The following SORCS2 variants were observed in gnomAD, a reference collection of about 807,000 sequenced individuals.
SORCS2 encodes the protein VPS10 domain-containing receptor SorCS2.
A neutral mutation model predicts 141.6 loss-of-function variants in SORCS2; 100 were observed. That is an observed-to-expected ratio of 0.71 (90% CI 0.60 to 0.83). The LOEUF is 0.83. SORCS2 is among the 40% of genes least tolerant of loss of function. SORCS2 has a pLI of 0.00. For missense variants in SORCS2, 1,646 were observed against 1,560.2 expected (o/e 1.05, Z -0.93); for synonymous variants, 789 against 676.9 (o/e 1.17, Z -2.57).
intron 18 of SORCS2, among the ~76,000 whole-genome samples, chr4:7,718,977 A>C (rs1577113660): frequency 6.6e-6 from 1 of 152,226 alleles, no homozygotes; most frequent in East Asian, 1.9e-4. Context: ...ACCTAGAAAA[A>C]CTTACAAGCA....
Position 7,384,394 on chromosome 4 carries a change from G to C in SORCS2, c.481-11894G>C, listed in dbSNP as rs112471578. Among the ~76,000 whole-genome samples, 273 of 152,270 alleles carry C rather than the reference G, an allele frequency of 1.8e-3. 1 individual carries two copies. Among genetic ancestry groups the C allele is most frequent in the African/African-American group, 6.4e-3 (265 of 41,550 alleles). On this transcript the variant is annotated intron_variant, in intron 1 of 26. Coordinates refer to ENST00000507866, the MANE Select transcript of SORCS2 (RefSeq NM_020777.3). ...GGTGACGAGAAGTGGCAGGTTTTCTGGTCCAGGCATCTTGGGTGAGGCATC... is the reference window on the plus strand; with the variant it reads ...GGTGACGAGAAGTGGCAGGTTTTCTCGTCCAGGCATCTTGGGTGAGGCATC...
At chr4:7,442,800 G>T (rs1175208116) in intron 2 of SORCS2, among the ~76,000 whole-genome samples, 3 of 151,640 alleles carry the variant, frequency 2.0e-5, no homozygotes, top group African/African-American at 7.3e-5. Context: ...GGTTCCTCAG[G>T]CTGACAAAAC....
rs1577667062 is a variant in SORCS2, at chr4:7,502,772, C to T, written c.549-28758C>T. Among the ~76,000 whole-genome samples, 2 of 143,198 alleles carry T rather than the reference C, an allele frequency of 1.4e-5. 1 individual carries two copies. Among genetic ancestry groups the T allele is most frequent in the South Asian group, 5.5e-4 (2 of 3,632 alleles). The allele number at this position is 143,198 out of a possible 152,430, so 93.9% of individuals were successfully genotyped here. On this transcript the variant is annotated intron_variant, in intron 2 of 26. Transcript: ENST00000507866. ...CCAACATGACCTCTGTGCTCAGAGA[C>T]CACTGTGCGGGGAGCAGGGAAGCCG...
In SORCS2 at chr4:7,704,350, C is replaced by T. The variant is rs991175046; in HGVS notation, c.1868+66C>T. 3.6e-6 allele frequency: 5 copies of T among 1,377,628 alleles called. No homozygotes were observed. In the South Asian group the frequency reaches 4.0e-5, roughly 11 times the overall value. 85.3% of individuals were successfully genotyped at this position (1,377,628 alleles called of 1,614,324 possible). A position where few individuals can be genotyped will look rare whatever the true frequency, so the allele number is the denominator to read the frequency against. On this transcript the variant is annotated intron_variant, in intron 14 of 26. Transcript: ENST00000507866. ...AGAGCCATGCTGGGCCTCCCTGGGC[C>T]TACTGTGTCCTTCACCCCCCAGCCA... is the stretch of plus-strand genomic sequence containing the variant.
intron 1 of SORCS2, among the ~76,000 whole-genome samples, chr4:7,334,428 C>G (rs2108973843): frequency 6.6e-6 from 1 of 152,262 alleles, no homozygotes; most frequent in East Asian, 1.9e-4. Context: ...CTGGTCCCCC[C>G]TCCCATTCCT....
chr4:7,464,092 A>T (rs1237914998), intron 2 of SORCS2, among the ~76,000 whole-genome samples: 1 of 152,230 alleles, frequency 6.6e-6, no homozygotes, highest in Non-Finnish European at 1.5e-5. Flanking sequence ...GTGAGCTAAG[A>T]GCTGGATGCC....
At position 7,664,375 on chromosome 4, in the gene SORCS2, A is replaced by T. The variant is rs1486134887; in HGVS notation, c.975A>T (p.Ala325=). ...TAGATTTTCGGTACGTCACCTGCGC[A>T]ATCCACAATTGCTCCGAGAAGATGC... is the stretch of plus-strand genomic sequence containing the variant. The part of the protein sequence containing the change: ...LGGDFRYVTC[A]IHNCSEKMLT... The change falls in exon 7 of 27, where the codon GCA becomes GCT. Residue 325 remains alanine (A), a synonymous_variant. Coordinates refer to ENST00000507866, the MANE Select transcript of SORCS2 (RefSeq NM_020777.3). This position sits in a 1 kb window ranked among gnomAD's most constrained non-coding sequence, Gnocchi z 4.7. 1 of 1,613,664 alleles carries T rather than the reference A, an allele frequency of 6.2e-7. No homozygotes were observed. The highest frequency in any genetic ancestry group is 2.2e-5 in the East Asian group (1 of 44,878).
chr4:7,569,153 C>A (rs1172165258), intron 3 of SORCS2, among the ~76,000 whole-genome samples: 1 of 152,206 alleles, frequency 6.6e-6, no homozygotes, highest in Non-Finnish European at 1.5e-5. Flanking sequence ...GGGCCACCTC[C>A]CAGGCAGAAG....
intron 1 of SORCS2, among the ~76,000 whole-genome samples, chr4:7,334,478 T>C (rs1292151316): frequency 6.6e-6 from 1 of 151,542 alleles, no homozygotes; most frequent in African/African-American, 2.4e-5. Flanking sequence ...GACAGTGAGC[T>C]CTGAGGGCCA....
intron 8 of SORCS2, among the ~76,000 whole-genome samples, chr4:7,671,126 T>G (rs1208843063): frequency 6.6e-6 from 1 of 152,070 alleles, no homozygotes; most frequent in African/African-American, 2.4e-5. Context: ...ATGTTAAGCT[T>G]ACATGTAAGG....
At chr4:7,196,604 C>T (rs11734929) in intron 1 of SORCS2, among the ~76,000 whole-genome samples, 227 of 151,046 alleles carry the variant, frequency 1.5e-3, no homozygotes, top group Middle Eastern at 6.8e-3. Context: ...CAGCACCTCC[C>T]TCCCCTGCCC....
intron 1 of SORCS2, among the ~76,000 whole-genome samples, chr4:7,388,068 A>G (rs1723583837): frequency 6.6e-6 from 1 of 151,164 alleles, no homozygotes; most frequent in South Asian, 2.1e-4. Context: ...ATACAGTTAC[A>G]CAGAGATACA....
At chr4:7,709,135 G>T (rs1003881343) in intron 14 of SORCS2, among the ~76,000 whole-genome samples, 4 of 152,200 alleles carry the variant, frequency 2.6e-5, no homozygotes, top group African/African-American at 9.7e-5. Flanking sequence ...CACTCTGTTT[G>T]TGTTGTGGGC....
At chr4:7,667,309 C>T (rs936322846) in intron 8 of SORCS2, 96 bp downstream of exon 8, 21 of 1,151,280 alleles carry the variant, frequency 1.8e-5, no homozygotes, top group South Asian at 9.2e-5. Context: ...GCTTGGCGGT[C>T]CCAGGTCAGG....
intron 3 of SORCS2, among the ~76,000 whole-genome samples, chr4:7,568,469 A>T (rs1715169250): frequency 1.3e-5 from 2 of 152,188 alleles, no homozygotes; most frequent in South Asian, 2.1e-4. Context: ...GATGTGCTAC[A>T]TACTCTCTCC....
chr4:7,457,519 T>C (rs557070171), intron 2 of SORCS2, among the ~76,000 whole-genome samples: 1,513 of 151,236 alleles, frequency 0.01, 21 homozygotes, highest in African/African-American at 0.035. Flanking sequence ...GAGGGCCTGG[T>C]TCACACCAGG....
At chr4:7,738,490 G>C (rs1181880257) in intron 26 of SORCS2, among the ~76,000 whole-genome samples, 2 of 152,194 alleles carry the variant, frequency 1.3e-5, no homozygotes, top group Non-Finnish European at 2.9e-5. Flanking sequence ...TACAGTTCCT[G>C]TTCTCTCTTA....
intron 1 of SORCS2, among the ~76,000 whole-genome samples, chr4:7,304,247 G>A (rs1214164385): frequency 1.3e-5 from 2 of 152,148 alleles, no homozygotes; most frequent in African/African-American, 4.8e-5. Flanking sequence ...AGACGATGAG[G>A]AATAACAAAC....
chr4:7,398,313 C>T (rs1400339358), intron 2 of SORCS2, among the ~76,000 whole-genome samples: 1 of 152,270 alleles, frequency 6.6e-6, no homozygotes, highest in South Asian at 2.1e-4. Flanking sequence ...GTGGGGACTT[C>T]CTTCTGCTCC....
Sources: gnomAD v4.1 joint callset for allele counts (sites outside exome capture counted in the v4.1 genomes callset) on GRCh38, gnomAD v4.1.1 for gene constraint, Gnocchi (gnomAD v3.1) non-coding constraint, MANE v1.5 for transcripts, NCBI Gene and HGNC (gene_info 2026-07-23, HGNC 2026-07-21) for gene names.